The following TFRC variants were observed in gnomAD, a reference collection of about 807,000 sequenced individuals.
The protein encoded by TFRC is transferrin receptor protein 1.
In TFRC, 35 loss-of-function variants were observed where a neutral mutation model predicts 85.8. That is an observed-to-expected ratio of 0.41 (90% CI 0.31 to 0.54). The LOEUF (loss-of-function observed/expected upper bound fraction) is 0.54. Among genes scored for constraint, TFRC ranks in the 20% least tolerant of loss-of-function variants. The probability of loss-of-function intolerance (pLI) is 0.31; values close to 1 mark genes in which losing one functional copy is unlikely to be tolerated. For synonymous variants in TFRC, 362 were observed against 328.6 expected, an observed-to-expected ratio of 1.10 and a Z score of -1.10; for missense variants, 828 against 921.5, an observed-to-expected ratio of 0.90 and a Z score of 1.31.
chr3:196,067,137 C>CAA, intron 9 of TFRC, among the ~76,000 whole-genome samples: 1 of 152,214 alleles, frequency 6.6e-6, no homozygotes, highest in Non-Finnish European at 1.5e-5. Flanking sequence ...AAAATCCAGA[C>CAA]AAATGGATGT....
chr3:196,053,414 T>A lies in TFRC; in HGVS notation c.2040+4A>T. ...AGTTCCTCCTTTCCCAAAAGTTCAC[T>A]TACTCTCATGACACGATCATTGAGT... On this transcript the variant is annotated splice_donor_region_variant and intron_variant, in intron 18 of 18. Transcript: ENST00000360110. The A allele has an allele frequency of 6.2e-7, 1 of 1,614,174 alleles. No homozygotes were observed. Among genetic ancestry groups the A allele is most frequent in the Non-Finnish European group, 8.5e-7 (1 of 1,180,004 alleles).
chr3:196,070,774 A>AAATAATAATAATAATAATCAT (rs1718123333), intron 6 of TFRC, among the ~76,000 whole-genome samples: 1 of 135,784 alleles, frequency 7.4e-6, no homozygotes, highest in Non-Finnish European at 1.6e-5. Context: ...TGTCTCTACC[A>AAATAATAATAATAATAATCAT]AATAATAATA....
At chr3:196,077,561 G>A (rs1309199016) in intron 1 of TFRC, among the ~76,000 whole-genome samples, 11 of 152,016 alleles carry the variant, frequency 7.2e-5, no homozygotes, top group Admixed American at 7.2e-4. Flanking sequence ...AGACCAGCCT[G>A]GCCAACATGG....
At chr3:196,073,052 A>ACAAACAAACC (rs1560087223) in intron 4 of TFRC, among the ~76,000 whole-genome samples, 1 of 148,310 alleles carries the variant, frequency 6.7e-6, no homozygotes, top group Non-Finnish European at 1.5e-5. Context: ...AAAAAAAAAA[A>ACAAACAAACC]AAAAAAAACC....
intron 3 of TFRC, among the ~76,000 whole-genome samples, chr3:196,074,640 G>A (rs1226278580): frequency 6.6e-6 from 1 of 152,130 alleles, no homozygotes; most frequent in Non-Finnish European, 1.5e-5. Flanking sequence ...CAGCACTCTG[G>A]GAGGCTGAGG....
intron 16 of TFRC, among the ~76,000 whole-genome samples, chr3:196,055,960 T>G (rs1577218690): frequency 7.2e-6 from 1 of 139,652 alleles, no homozygotes; most frequent in Non-Finnish European, 1.5e-5. Flanking sequence ...TAGAGTGCAG[T>G]GATGCAATCA....
Position 196,067,646 on chromosome 3 carries a change from C to T in TFRC, c.912G>A (p.Gly304=). ...ATCCAGGTGTGTAAGGGTCACCTGT[C>T]CCCAGATGAGCCTAGGAAAACAAAA... is the stretch of plus-strand genomic sequence containing the variant. The part of the protein sequence containing the change: ...ELSFFGHAHL[G]TGDPYTPGFP... The change falls in exon 9 of 19, where the codon GGG becomes GGA. Residue 304 remains glycine (G), a synonymous_variant. Transcript: ENST00000360110. The T allele has an allele frequency of 1.2e-6, 2 of 1,613,228 alleles. No individual in the cohort carries two copies. Among genetic ancestry groups the T allele is most frequent in the South Asian group, 1.1e-5 (1 of 90,890 alleles).
intron 16 of TFRC, chr3:196,058,073 T>A (rs41297517): frequency 2.5e-6 from 1 of 404,136 alleles, no homozygotes; most frequent in African/African-American, 2.1e-5. Context: ...GTCATCCTTG[T>A]TATTGATCTT....
chr3:196,060,695 G>A (rs41297485), intron 13 of TFRC: 2 of 153,078 alleles, frequency 1.3e-5, no homozygotes, highest in African/African-American at 4.9e-5. Context: ...CTACTCGGGA[G>A]GCTGAGGCAG....
At chr3:196,060,113 G>GT (rs775101814) in intron 14 of TFRC, 67 bp downstream of exon 14, 15 of 1,308,322 alleles carry the variant, frequency 1.1e-5, no homozygotes, top group Non-Finnish European at 1.5e-5. Context: ...ACATATCAGT[G>GT]TTTTTTATCT....
intron 16 of TFRC, among the ~76,000 whole-genome samples, chr3:196,057,582 C>T (rs1342843559): frequency 1.3e-5 from 2 of 152,052 alleles, no homozygotes; most frequent in Admixed American, 6.6e-5. Context: ...ATGTGTATAA[C>T]TTCTTAAAAC....
At chr3:196,055,574 A>G in intron 16 of TFRC, 2 of 499,940 alleles carry the variant, frequency 4.0e-6, no homozygotes, top group Non-Finnish European at 7.3e-6. Context: ...ATAGACTTCT[A>G]GCCAAATTCC....
rs116654532 is a variant in TFRC at position 196,070,955 on chromosome 3, T to C, written c.687+441A>G. ...GTGACACCCTGTCTCAAAACAAAAA[T>C]AGAAAAAGATCAAGCATTAACGAAT... On this transcript the variant is annotated intron_variant, in intron 6 of 18. Transcript: ENST00000360110. Among the ~76,000 whole-genome samples, 1,103 of 151,874 alleles carry C rather than the reference T, an allele frequency of 7.3e-3. 19 individuals are homozygous for C. Among genetic ancestry groups the C allele is most frequent in the African/African-American group, 0.026 (1,065 of 41,436 alleles).
In TFRC at chr3:196,071,455, C is replaced by T; in HGVS notation, c.628G>A (p.Val210Ile). The change falls in exon 6 of 19, where the codon GTT becomes ATT. Residue 210 changes from valine (V) to isoleucine (I), a missense_variant. Coordinates refer to ENST00000360110, the MANE Select transcript of TFRC (RefSeq NM_001128148.3). ...CCCCCAGGATTCTCCACCAGGTAAA[C>T]AAGTCTACCGTTCTTATCAACTATG... ...VIIVDKNGRL[V>I]YLVENPGGYV... is the part of the protein sequence containing the mutation. The T allele has an allele frequency of 1.2e-6, 2 of 1,614,086 alleles. No homozygotes were observed. The highest frequency in any genetic ancestry group is 3.3e-4 in the Middle Eastern group (2 of 6,062).
chr3:196,064,544 G>A (rs972939757), intron 10 of TFRC, 116 bp from the exon 11 acceptor site: 1 of 890,638 alleles, frequency 1.1e-6, no homozygotes. Context: ...GGATAAAAGA[G>A]CCTTACTTCA....
intron 6 of TFRC, chr3:196,069,787 CA>C: frequency 2.4e-6 from 1 of 425,000 alleles, no homozygotes; most frequent in Non-Finnish European, 4.2e-6. Context: ...CTATGTCTTT[CA>C]TGCTTTTATC....
At position 196,069,476 on chromosome 3, in the gene TFRC, C is replaced by T; in HGVS notation, c.780G>A (p.Gly260=). The T allele has an allele frequency of 6.2e-7, 1 of 1,611,346 alleles. No homozygotes were observed. The highest frequency in any genetic ancestry group is 8.5e-7 in the Non-Finnish European group (1 of 1,178,082). ...TCACCTTTTCTGCAAAGGTGATTTTCCCTGCTCTGACAATCACTATAGATC... is the reference window on the plus strand; with the variant it reads ...TCACCTTTTCTGCAAAGGTGATTTTTCCTGCTCTGACAATCACTATAGATC... ...VNGSIVIVRA[G]KITFAEKVAN... Residue 260 remains glycine (G), a synonymous_variant, in exon 7 of 19, where the codon GGG becomes GGA. Transcript: ENST00000360110.
At chr3:196,071,111 GAACT>G (rs1156348596) in intron 6 of TFRC, among the ~76,000 whole-genome samples, 1 of 152,156 alleles carries the variant, frequency 6.6e-6, no homozygotes, top group Non-Finnish European at 1.5e-5. Flanking sequence ...GCAGTAAATA[GAACT>G]AACCCATGAT....
chr3:196,072,432 G>T (rs1466831067), intron 4 of TFRC, among the ~76,000 whole-genome samples: 2 of 152,198 alleles, frequency 1.3e-5, no homozygotes, highest in Non-Finnish European at 2.9e-5. Context: ...TAGGGGAAAT[G>T]AGTAGCTTCC....
Sources: gnomAD v4.1 joint callset for allele counts (sites outside exome capture counted in the v4.1 genomes callset) on GRCh38, gnomAD v4.1.1 for gene constraint, MANE v1.5 for transcripts, NCBI Gene and HGNC (gene_info 2026-07-23, HGNC 2026-07-21) for gene names.